LNPEP: variants seen among roughly 807,000 people sequenced by gnomAD.
LNPEP encodes leucyl and cystinyl aminopeptidase, also known as leucyl-cystinyl aminopeptidase.
LNPEP carries 64 observed loss-of-function variants against 120.6 expected under a neutral mutation model. That is an observed-to-expected ratio of 0.53 (90% CI 0.43 to 0.65). The LOEUF is 0.65. Ranked by LOEUF, LNPEP falls within the 30% of genes least tolerant of loss-of-function variation. LNPEP has a pLI of 0.00. For synonymous variants in LNPEP, 435 were observed against 425.4 expected, an observed-to-expected ratio of 1.02 and a Z score of -0.28; for missense variants, 1,057 against 1,200.0, an observed-to-expected ratio of 0.88 and a Z score of 1.76.
At chr5:96,970,257 T>C (rs1024215429) in intron 1 of LNPEP, among the ~76,000 whole-genome samples, 1 of 152,090 alleles carries the variant, frequency 6.6e-6, no homozygotes, top group Non-Finnish European at 1.5e-5. Context: ...CTATCAGTTA[T>C]GAAGAGAAAG....
At chr5:96,946,722 C>A (rs983389939) in intron 1 of LNPEP, among the ~76,000 whole-genome samples, 5 of 152,156 alleles carry the variant, frequency 3.3e-5, no homozygotes, top group Non-Finnish European at 7.3e-5. Context: ...AAAGTTGTTA[C>A]TATAAAGACT....
intron 1 of LNPEP, among the ~76,000 whole-genome samples, chr5:96,938,045 G>A (rs1028090758): frequency 5.3e-5 from 8 of 152,164 alleles, no homozygotes; most frequent in African/African-American, 1.7e-4. Flanking sequence ...AAACAGAAAC[G>A]ACAATATCTA....
chr5:96,960,919 G>A (rs956725573), intron 1 of LNPEP, among the ~76,000 whole-genome samples: 15 of 151,556 alleles, frequency 9.9e-5, no homozygotes, highest in African/African-American at 3.6e-4. Context: ...TCTTTTTTGA[G>A]ACCAAGATGA....
At chr5:96,988,610 T>A (rs1790300069) in intron 4 of LNPEP, among the ~76,000 whole-genome samples, 1 of 151,602 alleles carries the variant, frequency 6.6e-6, no homozygotes. Flanking sequence ...TGCTGGGATC[T>A]TTTTTAAAAA....
At chr5:96,989,336 A>T (rs552481980) in intron 4 of LNPEP, among the ~76,000 whole-genome samples, 1,027 of 23,860 alleles carry the variant, frequency 0.043, 20 homozygotes, top group African/African-American at 0.13. Flanking sequence ...ATAATTATAT[A>T]TAATATATAA....
intron 7 of LNPEP, among the ~76,000 whole-genome samples, chr5:96,997,721 G>C (rs1300206599): frequency 6.6e-5 from 10 of 152,064 alleles, no homozygotes. Context: ...TGGATACTCA[G>C]AGTTGGCATT....
intron 6 of LNPEP, among the ~76,000 whole-genome samples, chr5:96,995,377 T>G (rs1475108669): frequency 6.6e-6 from 1 of 152,204 alleles, no homozygotes; most frequent in Non-Finnish European, 1.5e-5. Flanking sequence ...ATTACATATT[T>G]TACAACTACT....
At chr5:96,988,814 A>G (rs1344850587) in intron 4 of LNPEP, among the ~76,000 whole-genome samples, 1 of 151,430 alleles carries the variant, frequency 6.6e-6, no homozygotes, top group Non-Finnish European at 1.5e-5. Flanking sequence ...GCATCTTGCT[A>G]TGTTGCTCAG....
intron 1 of LNPEP, among the ~76,000 whole-genome samples, chr5:96,948,757 C>T (rs935659493): frequency 2.0e-5 from 3 of 152,184 alleles, no homozygotes; most frequent in African/African-American, 7.2e-5. Flanking sequence ...TAGGTCCAGT[C>T]CCACACCTTT....
At chr5:96,997,813 T>C (rs907226003) in intron 7 of LNPEP, among the ~76,000 whole-genome samples, 3 of 152,160 alleles carry the variant, frequency 2.0e-5, no homozygotes, top group Admixed American at 2.0e-4. Flanking sequence ...CAGGTTATAA[T>C]TGTATCTTTA....
At position 97,009,490 on chromosome 5, in the gene LNPEP, C is replaced by T. The variant is rs778177515; in HGVS notation, c.2035+2975C>T. Among the ~76,000 whole-genome samples the T allele has an allele frequency of 2.6e-5, 4 of 152,224 alleles. No homozygotes were observed. In the East Asian group the frequency reaches 7.7e-4, roughly 29 times the overall value. On this transcript the variant is annotated intron_variant, in intron 11 of 17. Coordinates refer to ENST00000231368, the MANE Select transcript of LNPEP (RefSeq NM_005575.3). ...CCATAATGAAGTGACTCCAGTCTCACTATAAAAATTTCTAGGAAAAGAACA... is the reference window on the plus strand; with the variant it reads ...CCATAATGAAGTGACTCCAGTCTCATTATAAAAATTTCTAGGAAAAGAACA...
At chr5:96,936,482 C>A in intron 1 of LNPEP, 1 of 305,188 alleles carries the variant, frequency 3.3e-6, no homozygotes, top group Non-Finnish European at 6.0e-6. Context: ...GGAAAGTTGG[C>A]AGCTCAGGTT....
At chr5:96,949,392 G>T (rs1789269849) in intron 1 of LNPEP, among the ~76,000 whole-genome samples, 1 of 152,208 alleles carries the variant, frequency 6.6e-6, no homozygotes, top group South Asian at 2.1e-4. Context: ...GAGGGATCTA[G>T]GTTGCATGCT....
At chr5:96,995,770 C>T (rs1176402094) in intron 6 of LNPEP, among the ~76,000 whole-genome samples, 3 of 152,158 alleles carry the variant, frequency 2.0e-5, no homozygotes, top group African/African-American at 4.8e-5. Context: ...AATCCTCCTG[C>T]CTTGCCCTCC....
At chr5:97,022,027 G>T (rs1462188225) in intron 13 of LNPEP, among the ~76,000 whole-genome samples, 4 of 143,844 alleles carry the variant, frequency 2.8e-5, no homozygotes, top group Non-Finnish European at 1.5e-5. Flanking sequence ...CACCTCCTGG[G>T]TTCAAGTGTT....
chr5:96,994,848 G>T (rs796196920), intron 6 of LNPEP, among the ~76,000 whole-genome samples: 5 of 152,258 alleles, frequency 3.3e-5, no homozygotes, highest in African/African-American at 1.2e-4. Flanking sequence ...AGTGGCTCAC[G>T]CCTGTAATCT....
chr5:97,003,953 T>C (rs1790717090), intron 9 of LNPEP, among the ~76,000 whole-genome samples: 1 of 152,230 alleles, frequency 6.6e-6, no homozygotes. Context: ...TTCTGTACTC[T>C]GCTCTATGAA....
intron 1 of LNPEP, among the ~76,000 whole-genome samples, chr5:96,943,972 G>T (rs1339197347): frequency 6.6e-6 from 1 of 152,216 alleles, no homozygotes; most frequent in Non-Finnish European, 1.5e-5. Flanking sequence ...GTTAAAGAAG[G>T]CTTCTTCAAC....
rs1790079743 is a variant in LNPEP at position 96,979,685 on chromosome 5, A to G, written c.567A>G (p.Thr189=). The G allele has an allele frequency of 3.1e-6, 5 of 1,614,112 alleles. No homozygotes were observed. The East Asian group carries it at 1.1e-4, about 36-fold the overall frequency. Residue 189 remains threonine, a synonymous_variant, in exon 2 of 18, where the codon ACA becomes ACG. Coordinates refer to ENST00000231368, the MANE Select transcript of LNPEP (RefSeq NM_005575.3). ...LSLHPNLTSM[T]FRGSVTISVQ... ...TACACCCGAACCTAACCTCGATGAC[A>G]TTCAGGGGTTCTGTGACAATTTCAG...
Sources: allele counts gnomAD v4.1 joint callset (sites outside exome capture counted in the v4.1 genomes callset), GRCh38; gene constraint gnomAD v4.1.1; transcripts MANE v1.5; gene names NCBI Gene and HGNC (gene_info 2026-07-23, HGNC 2026-07-21).